Variants in MACROD2 observed in about 807,000 individuals in gnomAD.
MACROD2 encodes mono-ADP ribosylhydrolase 2.
In MACROD2, 36 loss-of-function variants were observed where a neutral mutation model predicts 70.4. The ratio of observed to expected loss-of-function variants is 0.51; its 90% CI spans 0.39 to 0.68. The LOEUF (loss-of-function observed/expected upper bound fraction) is 0.68. Ranked by LOEUF, MACROD2 falls within the 30% of genes least tolerant of loss-of-function variation. The pLI is 0.00. For missense variants in MACROD2, 496 were observed against 538.4 expected, an observed-to-expected ratio of 0.92 and a Z score of 0.78; for synonymous variants, 172 against 178.8, an observed-to-expected ratio of 0.96 and a Z score of 0.30.
intron 2 of MACROD2, among the ~76,000 whole-genome samples, chr20:14,026,683 C>G (rs979054824): frequency 1.3e-5 from 2 of 152,182 alleles, no homozygotes; most frequent in Admixed American, 1.3e-4. Context: ...CCACTCTCTT[C>G]TGGCTTGTAG....
At chr20:14,141,512 G>A (rs151177936) in intron 3 of MACROD2, among the ~76,000 whole-genome samples, 32 of 152,268 alleles carry the variant, frequency 2.1e-4, no homozygotes, top group Non-Finnish European at 4.0e-4. Context: ...TTGGGAGGCT[G>A]AGGTGGGTGG....
chr20:14,802,936 CA>C (rs1188610016), intron 5 of MACROD2, among the ~76,000 whole-genome samples: 2 of 151,842 alleles, frequency 1.3e-5, no homozygotes, highest in Non-Finnish European at 2.9e-5. Context: ...TACTATGATT[CA>C]ATTTTTTATT....
At chr20:14,641,618 G>T (rs1048510019) in intron 4 of MACROD2, among the ~76,000 whole-genome samples, 12 of 152,178 alleles carry the variant, frequency 7.9e-5, no homozygotes, top group African/African-American at 2.7e-4. Flanking sequence ...ATGTTAGCAT[G>T]CAAGAAAACA....
At chr20:14,968,460 A>C (rs2074658732) in intron 5 of MACROD2, among the ~76,000 whole-genome samples, 1 of 152,170 alleles carries the variant, frequency 6.6e-6, no homozygotes, top group Non-Finnish European at 1.5e-5. Context: ...TTCAGCTACC[A>C]ACCCAGGGGG....
At chr20:15,804,528 G>T (rs2063752424) in intron 8 of MACROD2, among the ~76,000 whole-genome samples, 2 of 152,130 alleles carry the variant, frequency 1.3e-5, no homozygotes, top group South Asian at 4.1e-4. Flanking sequence ...GCTTTCAAAA[G>T]GTTGCCTTAT....
chr20:15,845,924 C>G (rs1162740586), intron 8 of MACROD2, among the ~76,000 whole-genome samples: 2 of 152,212 alleles, frequency 1.3e-5, no homozygotes, highest in Non-Finnish European at 2.9e-5. Context: ...AGCCTATTCT[C>G]TTGATCCGAA....
intron 3 of MACROD2, among the ~76,000 whole-genome samples, chr20:14,214,201 T>G (rs914139094): frequency 2.6e-5 from 4 of 152,202 alleles, no homozygotes; most frequent in Non-Finnish European, 5.9e-5. Context: ...TTTGAGAAAT[T>G]GCTGAGTCAT....
At chr20:15,391,580 G>A (rs1302473472) in intron 6 of MACROD2, among the ~76,000 whole-genome samples, 2 of 152,172 alleles carry the variant, frequency 1.3e-5, no homozygotes, top group African/African-American at 4.8e-5. Flanking sequence ...TGCCAGCCAT[G>A]GGGTTGGATG....
At chr20:15,783,825 T>C (rs1396166384) in intron 8 of MACROD2, among the ~76,000 whole-genome samples, 1 of 152,004 alleles carries the variant, frequency 6.6e-6, no homozygotes, top group African/African-American at 2.4e-5. Context: ...TTTACCCCAG[T>C]GGGAGCAAGT....
intron 5 of MACROD2, among the ~76,000 whole-genome samples, chr20:15,083,033 C>T (rs435532): frequency 0.54 from 81,299 of 151,930 alleles, 22,141 homozygotes; most frequent in East Asian, 0.59. Context: ...GTCTAGCTCA[C>T]ACAGAATCCC....
intron 5 of MACROD2, among the ~76,000 whole-genome samples, chr20:14,792,297 C>T (rs1170987918): frequency 6.6e-6 from 1 of 152,032 alleles, no homozygotes; most frequent in African/African-American, 2.4e-5. Flanking sequence ...TGGATACACA[C>T]ACATATTTTA....
intron 13 of MACROD2, among the ~76,000 whole-genome samples, chr20:15,984,323 A>G (rs1419712290): frequency 1.3e-5 from 2 of 152,086 alleles, no homozygotes; most frequent in Admixed American, 1.3e-4. Context: ...TTAACTTTTA[A>G]TGTAGGTAAA....
intron 4 of MACROD2, among the ~76,000 whole-genome samples, chr20:14,654,903 A>G (rs1985887947): frequency 6.6e-6 from 1 of 152,224 alleles, no homozygotes; most frequent in Non-Finnish European, 1.5e-5. Flanking sequence ...AAAAAGCAAC[A>G]GTAACATCTT....
intron 1 of MACROD2, among the ~76,000 whole-genome samples, chr20:13,999,027 A>AT (rs2052699089): frequency 6.6e-6 from 1 of 151,788 alleles, no homozygotes; most frequent in Admixed American, 6.6e-5. Context: ...ATCCTCTTGC[A>AT]TAGTCTCATT....
intron 8 of MACROD2, among the ~76,000 whole-genome samples, chr20:15,674,754 TTGTGTGTGTGTG>T (rs3071296): frequency 6.7e-6 from 1 of 148,612 alleles, no homozygotes; most frequent in African/African-American, 2.5e-5. Context: ...TGTGTGTGTG[TTGTGTGTGTGTG>T]TGTGTGTGTG....
intron 5 of MACROD2, among the ~76,000 whole-genome samples, chr20:15,197,700 T>C (rs1022162637): frequency 1.3e-5 from 2 of 152,152 alleles, no homozygotes; most frequent in African/African-American, 4.8e-5. Context: ...CTTTATTTTA[T>C]TTTACTTTAT....
chr20:14,155,281 TA>T (rs2055085671), intron 3 of MACROD2, among the ~76,000 whole-genome samples: 1 of 152,224 alleles, frequency 6.6e-6, no homozygotes, highest in African/African-American at 2.4e-5. Flanking sequence ...ATATCTGTAA[TA>T]ACATTCAAAT....
rs929712578 is a variant in MACROD2 at position 15,065,554 on chromosome 20, T to A, written c.419-164386T>A. ...CTGTAGTCCCAGCTACTCCGGAGGC[T>A]GAGGCAGGAGAATGGCGTGAACCTG... is the stretch of plus-strand genomic sequence containing the variant. On this transcript the variant is annotated intron_variant, in intron 5 of 17. Transcript: ENST00000684519. Among the ~76,000 whole-genome samples, 17 of 150,114 alleles carry A rather than the reference T, an allele frequency of 1.1e-4. No individual in the cohort carries two copies. In the East Asian group the frequency reaches 3.2e-3, roughly 28 times the overall value.
chr20:15,747,702 A>G lies in MACROD2; in HGVS notation c.646-115043A>G, dbSNP rs1309103610. ...TTATTTCCAGAATTTTTTTTTGTCA[A>G]TTCTCAGATTTTCCACGGAGATGAT... On this transcript the variant is annotated intron_variant, in intron 8 of 17. Transcript: ENST00000684519. Among the ~76,000 whole-genome samples, 3 of 151,936 alleles carry G rather than the reference A, an allele frequency of 2.0e-5. No homozygotes were observed. The East Asian group carries it at 5.8e-4, about 29-fold the overall frequency.
Sources: gnomAD v4.1 joint callset for allele counts (sites outside exome capture counted in the v4.1 genomes callset) on GRCh38, gnomAD v4.1.1 for gene constraint, MANE v1.5 for transcripts, NCBI Gene and HGNC (gene_info 2026-07-23, HGNC 2026-07-21) for gene names.